The following SMAGP variants were observed in gnomAD, a reference collection of about 807,000 sequenced individuals.
The protein encoded by SMAGP is small cell adhesion glycoprotein, also known as small cell transmembrane and glycosylated protein.
In SMAGP, 7 loss-of-function variants were observed where a neutral mutation model predicts 10.1. That is an observed-to-expected ratio of 0.70 (90% CI 0.40 to 1.31). The LOEUF (loss-of-function observed/expected upper bound fraction) is 1.31. Among genes scored for constraint, SMAGP ranks in the 50% most tolerant of loss-of-function variants. The pLI is 0.01. For synonymous variants in SMAGP, 49 were observed against 47.2 expected (o/e 1.04, Z -0.16); for missense variants, 113 against 116.5 (o/e 0.97, Z 0.14).
intron 2 of SMAGP, among the ~76,000 whole-genome samples, chr12:51,256,769 C>G (rs1944889195): frequency 8.4e-6 from 1 of 119,718 alleles, no homozygotes; most frequent in African/African-American, 3.1e-5. Context: ...ACAAAACCTC[C>G]CCCCCACCCA....
At chr12:51,263,100 G>C (rs998740126) in intron 2 of SMAGP, among the ~76,000 whole-genome samples, 1 of 151,990 alleles carries the variant, frequency 6.6e-6, no homozygotes, top group African/African-American at 2.4e-5. Context: ...TTTAATCTTT[G>C]AAAATTTAAC....
At chr12:51,255,617 CCAG>C (rs1450295156) in intron 2 of SMAGP, among the ~76,000 whole-genome samples, 1 of 152,142 alleles carries the variant, frequency 6.6e-6, no homozygotes, top group Non-Finnish European at 1.5e-5. Flanking sequence ...AGCAGACCTT[CCAG>C]CAGCAATACA....
intron 2 of SMAGP, among the ~76,000 whole-genome samples, chr12:51,259,317 TTGCC>T (rs1381938812): frequency 1.3e-5 from 2 of 152,168 alleles, no homozygotes; most frequent in African/African-American, 4.8e-5. Context: ...TCTTACTGTG[TTGCC>T]TAGGCTAGTT....
At chr12:51,248,559 C>T (rs1412157401) in intron 2 of SMAGP, among the ~76,000 whole-genome samples, 2 of 151,976 alleles carry the variant, frequency 1.3e-5, no homozygotes, top group Non-Finnish European at 1.5e-5. Flanking sequence ...ACCGCAGGAG[C>T]GGGCCTCAGG....
intron 2 of SMAGP, among the ~76,000 whole-genome samples, chr12:51,250,348 T>C (rs537659098): frequency 6.6e-6 from 1 of 152,178 alleles, no homozygotes; most frequent in Non-Finnish European, 1.5e-5. Context: ...CATTACTGAA[T>C]TGTTGGGCAA....
At chr12:51,248,900 C>CAAAAAAAAAAAA (rs545881552) in intron 2 of SMAGP, among the ~76,000 whole-genome samples, 3 of 95,620 alleles carry the variant, frequency 3.1e-5, no homozygotes, top group African/African-American at 4.6e-5. Flanking sequence ...AAAAATACCA[C>CAAAAAAAAAAAA]AAAAAAAAAA....
At chr12:51,268,074 C>T (rs1377949599) in intron 2 of SMAGP, among the ~76,000 whole-genome samples, 2 of 152,150 alleles carry the variant, frequency 1.3e-5, no homozygotes, top group East Asian at 3.9e-4. Flanking sequence ...TGATGATGAA[C>T]TAAAAGGTGG....
At chr12:51,252,395 A>C (rs1469082066) in intron 2 of SMAGP, among the ~76,000 whole-genome samples, 2 of 139,646 alleles carry the variant, frequency 1.4e-5, no homozygotes, top group East Asian at 4.3e-4. Flanking sequence ...TGCCCGGCCT[A>C]TTATTATTAT....
chr12:51,267,224 T>C (rs532376355), intron 2 of SMAGP, among the ~76,000 whole-genome samples: 49 of 152,230 alleles, frequency 3.2e-4, no homozygotes, highest in African/African-American at 1.1e-3. Context: ...GTGGGCAGGA[T>C]TATTCTGGAG....
chr12:51,254,225 T>A (rs921190843), intron 2 of SMAGP, among the ~76,000 whole-genome samples: 1 of 152,168 alleles, frequency 6.6e-6, no homozygotes, highest in African/African-American at 2.4e-5. Context: ...GTTTATATAA[T>A]TTACATTTTT....
chr12:51,264,819 C>A (rs2137310350), intron 2 of SMAGP, among the ~76,000 whole-genome samples: 1 of 151,234 alleles, frequency 6.6e-6, no homozygotes, highest in Middle Eastern at 3.4e-3. Context: ...GTAATCCCAG[C>A]TACTCAGGAG....
rs5798164 is a variant in SMAGP, at chr12:51,244,820, CTTTTT to C, written c.*1116_*1120del. The C allele has an allele frequency of 3.3e-5, 3 of 92,076 alleles. No individual in the cohort carries two copies. The highest frequency in any genetic ancestry group is 6.0e-5 in the Non-Finnish European group (3 of 50,380). The allele number at this position is 92,076 out of a possible 1,614,324, so 5.7% of individuals were successfully genotyped here. ...TTGAACCAACTCATCTCCCAGGGTA[CTTTTT>C]TTTTTTTTTTTTTTTTTGAGACGGA... On this transcript the variant is annotated 3_prime_UTR_variant, in exon 4 of 4. Transcript: ENST00000603798.
At chr12:51,253,025 G>A (rs886881428) in intron 2 of SMAGP, among the ~76,000 whole-genome samples, 19 of 152,122 alleles carry the variant, frequency 1.2e-4, no homozygotes, top group African/African-American at 4.6e-4. Context: ...GAAAGGGGTC[G>A]GGAACCTGAA....
intron 2 of SMAGP, among the ~76,000 whole-genome samples, chr12:51,254,337 A>G (rs1944868603): frequency 6.6e-6 from 1 of 152,172 alleles, no homozygotes; most frequent in African/African-American, 2.4e-5. Flanking sequence ...TCATGAGGTC[A>G]GGAGTTTGGC....
chr12:51,261,197 G>A (rs2137307261), intron 2 of SMAGP, among the ~76,000 whole-genome samples: 1 of 148,074 alleles, frequency 6.8e-6, no homozygotes, highest in Admixed American at 6.9e-5. Flanking sequence ...CCAGGTTCAA[G>A]CGATTCTCCT....
chr12:51,252,096 T>A (rs1944844371), intron 2 of SMAGP, among the ~76,000 whole-genome samples: 1 of 32,246 alleles, frequency 3.1e-5, no homozygotes, highest in Admixed American at 3.1e-4. Context: ...CTACATCAGA[T>A]TTTTTTTTTT....
At chr12:51,248,207 G>C (rs1176123050) in intron 2 of SMAGP, among the ~76,000 whole-genome samples, 1 of 152,106 alleles carries the variant, frequency 6.6e-6, no homozygotes, top group Non-Finnish European at 1.5e-5. Flanking sequence ...AGTGTTGAAG[G>C]GTCTTTCCAC....
chr12:51,263,946 A>G (rs985819911), intron 2 of SMAGP, among the ~76,000 whole-genome samples: 3 of 151,926 alleles, frequency 2.0e-5, no homozygotes, highest in African/African-American at 7.2e-5. Flanking sequence ...AATATTAATT[A>G]TATTATATTA....
chr12:51,267,828 A>C lies in SMAGP; in HGVS notation c.34+1417T>G, dbSNP rs180690536. 2.4e-3 allele frequency among the ~76,000 whole-genome samples: 372 copies of C among 152,208 alleles called. 1 individual carries two copies. The highest frequency in any genetic ancestry group is 8.6e-3 in the African/African-American group (358 of 41,534). Reference sequence around the variant, plus strand: ...TATCTCTTCTCACCAGACAACTAAAAGTCTGAATTGTGTGCATTACCAGTC... The same window carrying C: ...TATCTCTTCTCACCAGACAACTAAACGTCTGAATTGTGTGCATTACCAGTC... On this transcript the variant is annotated intron_variant, in intron 2 of 3. Transcript: ENST00000603798.
Sources: allele counts gnomAD v4.1 joint callset (sites outside exome capture counted in the v4.1 genomes callset), GRCh38; gene constraint gnomAD v4.1.1; transcripts MANE v1.5; gene names NCBI Gene and HGNC (gene_info 2026-07-23, HGNC 2026-07-21).